The following COA8 variants were observed in gnomAD, a reference collection of about 807,000 sequenced individuals.
COA8 encodes UPF0671 protein C14orf153.
COA8 carries 20 observed loss-of-function variants against 22.0 expected under a neutral mutation model. The observed-to-expected ratio is 0.91, with a 90% CI of 0.64 to 1.32. The LOEUF is 1.32. Among genes scored for constraint, COA8 ranks in the 40% most tolerant of loss-of-function variants. The pLI is 0.00. For missense variants in COA8, 266 were observed against 230.0 expected, an observed-to-expected ratio of 1.16 and a Z score of -1.01; for synonymous variants, 105 against 79.9, an observed-to-expected ratio of 1.31 and a Z score of -1.68.
chr14:103,564,747 T>G (rs2076123713), intron 1 of COA8, among the ~76,000 whole-genome samples: 1 of 151,418 alleles, frequency 6.6e-6, no homozygotes, highest in African/African-American at 2.4e-5. Flanking sequence ...GCCCGGCTAA[T>G]TTTTTTGTAT....
chr14:103,572,112 G>A (rs1416953798), intron 2 of COA8, among the ~76,000 whole-genome samples: 1 of 150,066 alleles, frequency 6.7e-6, no homozygotes, highest in Non-Finnish European at 1.5e-5. Context: ...GGGTGACAGA[G>A]CCAGACTCGT....
intron 3 of COA8, among the ~76,000 whole-genome samples, chr14:103,584,543 C>T (rs537088405): frequency 6.6e-6 from 1 of 152,238 alleles, no homozygotes; most frequent in South Asian, 2.1e-4. Flanking sequence ...TCTATAATGC[C>T]ACGTGGGTCT....
intron 1 of COA8, among the ~76,000 whole-genome samples, chr14:103,565,710 G>A (rs2142273733): frequency 6.6e-6 from 1 of 151,778 alleles, no homozygotes; most frequent in East Asian, 1.9e-4. Context: ...CCACCGCCCG[G>A]GTTCAAGCAA....
intron 1 of COA8, among the ~76,000 whole-genome samples, chr14:103,570,668 G>A (rs561817552): frequency 1.1e-4 from 16 of 152,312 alleles, no homozygotes; most frequent in African/African-American, 3.8e-4. Flanking sequence ...GGGAGGCGGA[G>A]GTTGCAGTGA....
chr14:103,588,130 A>C lies in COA8; in HGVS notation c.476+766A>C, dbSNP rs568782702. On this transcript the variant is annotated intron_variant, in intron 4 of 4. Coordinates refer to ENST00000409074, the MANE Select transcript of COA8 (RefSeq NM_001370595.2). Reference sequence around the variant, plus strand: ...AAACTCCATCTCAAAAAAAAAAAAAAAAAAAAAAAACGGGTTTTAGCTGGT... The same window carrying C: ...AAACTCCATCTCAAAAAAAAAAAAACAAAAAAAAAACGGGTTTTAGCTGGT... 1.4e-3 allele frequency: 443 copies of C among 313,078 alleles called. 1 individual carries two copies. The highest frequency in any genetic ancestry group is 5.3e-3 in the Middle Eastern group (6 of 1,140). 19.4% of individuals were successfully genotyped at this position (313,078 alleles called of 1,614,324 possible). A position where few individuals can be genotyped will look rare whatever the true frequency, so the allele number is the denominator to read the frequency against.
At chr14:103,568,504 T>TGTATACATATATATACACACAC (rs2076153036) in intron 1 of COA8, among the ~76,000 whole-genome samples, 1 of 151,436 alleles carries the variant, frequency 6.6e-6, no homozygotes, top group African/African-American at 2.4e-5. Context: ...TATACACACA[T>TGTATACATATATATACACACAC]GTATACATAT....
intron 1 of COA8, among the ~76,000 whole-genome samples, chr14:103,570,016 A>T (rs1021454736): frequency 6.6e-6 from 1 of 151,900 alleles, no homozygotes; most frequent in Non-Finnish European, 1.5e-5. Flanking sequence ...GCCACCACGC[A>T]TGGCTAATTT....
intron 3 of COA8, among the ~76,000 whole-genome samples, chr14:103,586,200 CTTTTT>C (rs71126040): frequency 0.019 from 1,799 of 92,680 alleles, 58 homozygotes; most frequent in African/African-American, 0.069. Context: ...TGCACCTGGC[CTTTTT>C]TTTTTTTTTT....
In COA8 at chr14:103,590,600, G is replaced by T. The variant is rs1014369581; in HGVS notation, c.*314G>T. On this transcript the variant is annotated 3_prime_UTR_variant, in exon 5 of 5. Coordinates refer to ENST00000409074, the MANE Select transcript of COA8 (RefSeq NM_001370595.2). ...TTAAAAATATTGGCCAGGCACGGTG[G>T]CTCACACCTGTAATCCCAGCACTTT... is the stretch of plus-strand genomic sequence containing the variant. 1 of 223,022 alleles carries T rather than the reference G, an allele frequency of 4.5e-6. No individual in the cohort carries two copies. 13.8% of individuals were successfully genotyped at this position (223,022 alleles called of 1,614,324 possible). A position where few individuals can be genotyped will look rare whatever the true frequency, so the allele number is the denominator to read the frequency against.
chr14:103,583,305 C>T (rs2076281323), intron 3 of COA8, among the ~76,000 whole-genome samples: 1 of 151,886 alleles, frequency 6.6e-6, no homozygotes, highest in Non-Finnish European at 1.5e-5. Context: ...TTTGGGAGGC[C>T]AAGGTGGGCG....
At chr14:103,579,054 A>T (rs1490179962) in intron 3 of COA8, among the ~76,000 whole-genome samples, 1 of 152,148 alleles carries the variant, frequency 6.6e-6, no homozygotes, top group African/African-American at 2.4e-5. Flanking sequence ...CGCTATGTTG[A>T]CCAGGCTGGC....
chr14:103,572,074 C>T (rs997936464), intron 2 of COA8, among the ~76,000 whole-genome samples: 3 of 150,228 alleles, frequency 2.0e-5, no homozygotes, highest in African/African-American at 7.4e-5. Context: ...TTGCAGTGAG[C>T]GGAGATTGCG....
intron 3 of COA8, among the ~76,000 whole-genome samples, chr14:103,585,528 TAGA>T: frequency 6.6e-6 from 1 of 151,178 alleles, no homozygotes. Context: ...AGACCTTTAT[TAGA>T]TGGATGATTA....
intron 4 of COA8, 67 bp from the exon 5 acceptor site, chr14:103,590,114 C>T (rs1229246461): frequency 7.2e-7 from 1 of 1,396,102 alleles, no homozygotes; most frequent in African/African-American, 1.4e-5. Context: ...GGAGCCACTT[C>T]TGGGCCAGGG....
chr14:103,577,572 A>G (rs1444863960), intron 3 of COA8, among the ~76,000 whole-genome samples: 1 of 152,052 alleles, frequency 6.6e-6, no homozygotes, highest in East Asian at 1.9e-4. Flanking sequence ...GATGCTCATG[A>G]ATCATCTCTA....
intron 1 of COA8, among the ~76,000 whole-genome samples, chr14:103,569,864 TG>T (rs2076168948): frequency 6.6e-6 from 1 of 151,812 alleles, no homozygotes; most frequent in Admixed American, 6.5e-5. Context: ...TTTGTTTGTT[TG>T]TTTTTTTTTG....
chr14:103,583,314 C>T (rs1047409500), intron 3 of COA8, among the ~76,000 whole-genome samples: 3 of 151,796 alleles, frequency 2.0e-5, no homozygotes, highest in South Asian at 2.1e-4. Flanking sequence ...CCAAGGTGGG[C>T]GGATCACTTG....
Position 103,590,302 on chromosome 14 carries a change from C to T in COA8, c.*16C>T. ...GAGCAACTAGGAGTCCACTCTGACC[C>T]AGCCAGAGTCCAGGTTTCCACAGGA... On this transcript the variant is annotated 3_prime_UTR_variant, in exon 5 of 5. Transcript: ENST00000409074. 2 of 1,598,704 alleles carry T rather than the reference C, an allele frequency of 1.3e-6. No individual in the cohort carries two copies. The highest frequency in any genetic ancestry group is 1.7e-6 in the Non-Finnish European group (2 of 1,167,348).
intron 3 of COA8, among the ~76,000 whole-genome samples, chr14:103,577,565 G>A (rs1268818847): frequency 6.6e-6 from 1 of 152,002 alleles, no homozygotes; most frequent in Non-Finnish European, 1.5e-5. Context: ...GGCAAATGAT[G>A]CTCATGAATC....
Sources: allele counts gnomAD v4.1 joint callset (sites outside exome capture counted in the v4.1 genomes callset), GRCh38; gene constraint gnomAD v4.1.1; transcripts MANE v1.5; gene names NCBI Gene and HGNC (gene_info 2026-07-23, HGNC 2026-07-21).